TULP4: variants seen among roughly 807,000 people sequenced by gnomAD.
TULP4 encodes tubby-related protein 4.
In TULP4, 16 loss-of-function variants were observed where a neutral mutation model predicts 129.0. The ratio of observed to expected loss-of-function variants is 0.12; its 90% CI spans 0.08 to 0.19. The LOEUF (loss-of-function observed/expected upper bound fraction) is 0.19, where lower values mean the gene tolerates loss of function less well. Ranked by LOEUF, TULP4 falls within the 10% of genes least tolerant of loss-of-function variation. The pLI is 1.00. For missense variants in TULP4, 1,842 were observed against 2,059.1 expected, an observed-to-expected ratio of 0.89 and a Z score of 2.04; for synonymous variants, 998 against 854.0, an observed-to-expected ratio of 1.17 and a Z score of -2.94.
chr6:158,435,668 C>T (rs766076798), intron 3 of TULP4, among the ~76,000 whole-genome samples: 2 of 152,144 alleles, frequency 1.3e-5, no homozygotes, highest in Non-Finnish European at 2.9e-5. Flanking sequence ...ACACCTATCC[C>T]GCGCTCATCG....
At chr6:158,347,779 C>T (rs1583777349) in intron 1 of TULP4, among the ~76,000 whole-genome samples, 1 of 152,340 alleles carries the variant, frequency 6.6e-6, no homozygotes, top group East Asian at 1.9e-4. Flanking sequence ...CTCCGGCCTT[C>T]CCTGACTGCA....
chr6:158,321,865 T>C (rs1240172709), intron 1 of TULP4, among the ~76,000 whole-genome samples: 1 of 152,240 alleles, frequency 6.6e-6, no homozygotes, highest in Non-Finnish European at 1.5e-5. Context: ...AAAGTACTTT[T>C]CTTTTTCCTA....
At chr6:158,241,690 G>T (rs754591167) in intron 1 of TULP4, among the ~76,000 whole-genome samples, 1 of 152,182 alleles carries the variant, frequency 6.6e-6, no homozygotes, top group Non-Finnish European at 1.5e-5. Flanking sequence ...TGCGTCTCTG[G>T]TTCAAGCGAT....
At chr6:158,248,462 G>T (rs927095877) in intron 1 of TULP4, among the ~76,000 whole-genome samples, 2 of 152,152 alleles carry the variant, frequency 1.3e-5, no homozygotes, top group Admixed American at 1.3e-4. Context: ...GTAGAGACGG[G>T]GTTTCATTGT....
chr6:158,449,878 C>T (rs866245841), intron 4 of TULP4, among the ~76,000 whole-genome samples: 1 of 152,046 alleles, frequency 6.6e-6, no homozygotes, highest in African/African-American at 2.4e-5. Context: ...GCACCCATCT[C>T]TTTTAAAAAA....
intron 6 of TULP4, among the ~76,000 whole-genome samples, chr6:158,473,378 A>G (rs148145617): frequency 1.2e-3 from 187 of 152,344 alleles, no homozygotes; most frequent in African/African-American, 4.0e-3. Context: ...TTTTAAAACT[A>G]AAATTTGGTT....
At chr6:158,475,056 A>T (rs755638340) in intron 6 of TULP4, among the ~76,000 whole-genome samples, 1 of 152,230 alleles carries the variant, frequency 6.6e-6, no homozygotes. Context: ...CTCAGTAGAT[A>T]AAAAAATGAT....
At chr6:158,439,038 G>T (rs1335236223) in intron 3 of TULP4, among the ~76,000 whole-genome samples, 1 of 151,982 alleles carries the variant, frequency 6.6e-6, no homozygotes, top group Non-Finnish European at 1.5e-5. Flanking sequence ...GGGTGTGGTG[G>T]CATGTGCCTG....
intron 6 of TULP4, among the ~76,000 whole-genome samples, chr6:158,467,599 T>C (rs1226018060): frequency 6.6e-6 from 1 of 152,182 alleles, no homozygotes; most frequent in South Asian, 2.1e-4. Flanking sequence ...CCTTTTAAAC[T>C]GTTCTTCACT....
chr6:158,448,849 A>G (rs1254067586), intron 3 of TULP4, 147 bp from the exon 4 acceptor site: 2 of 750,238 alleles, frequency 2.7e-6, no homozygotes, highest in Admixed American at 3.0e-5. Flanking sequence ...TCTACTTAAC[A>G]TTTTGTGTCA....
intron 5 of TULP4, among the ~76,000 whole-genome samples, chr6:158,458,741 A>G (rs1779351270): frequency 6.6e-6 from 1 of 152,184 alleles, no homozygotes; most frequent in African/African-American, 2.4e-5. Flanking sequence ...TAGAAATTGA[A>G]TGAGTATTTT....
chr6:158,391,796 T>C (rs1186928875), intron 1 of TULP4, among the ~76,000 whole-genome samples: 1 of 151,766 alleles, frequency 6.6e-6, no homozygotes, highest in Non-Finnish European at 1.5e-5. Context: ...GTTGTTATTG[T>C]CATTCATTTT....
chr6:158,414,601 CTTTTCTTGGTTT>C (rs1778166559), intron 2 of TULP4, among the ~76,000 whole-genome samples: 3 of 152,160 alleles, frequency 2.0e-5, no homozygotes, highest in Admixed American at 6.5e-5. Flanking sequence ...GAGGTAGCAG[CTTTTCTTGGTTT>C]CTGTGAAATG....
chr6:158,432,275 T>G (rs765334869), intron 3 of TULP4, among the ~76,000 whole-genome samples: 32 of 152,034 alleles, frequency 2.1e-4, no homozygotes, highest in Middle Eastern at 3.4e-3. Flanking sequence ...ATCTCTTGCT[T>G]GGTTTGATTT....
At chr6:158,328,387 A>C (rs1205284089) in intron 1 of TULP4, among the ~76,000 whole-genome samples, 1 of 152,088 alleles carries the variant, frequency 6.6e-6, no homozygotes, top group Non-Finnish European at 1.5e-5. Context: ...CAGAGCTGAA[A>C]TTGAACTCAG....
At chr6:158,237,278 T>C (rs1777728985) in intron 1 of TULP4, 1 of 1,240,160 alleles carries the variant, frequency 8.1e-7, no homozygotes, top group Non-Finnish European at 1.2e-6. Context: ...TTACCTTTAT[T>C]ATATTCCTAA....
At chr6:158,472,039 C>A (rs1230511995) in intron 6 of TULP4, among the ~76,000 whole-genome samples, 1 of 152,230 alleles carries the variant, frequency 6.6e-6, no homozygotes, top group Non-Finnish European at 1.5e-5. Context: ...GAATGTCCTT[C>A]CCGCCGTTTT....
intron 1 of TULP4, among the ~76,000 whole-genome samples, chr6:158,263,907 A>G (rs1778396710): frequency 6.6e-6 from 1 of 152,086 alleles, no homozygotes; most frequent in Non-Finnish European, 1.5e-5. Flanking sequence ...TACTAAAAAT[A>G]CAAAAATTAC....
intron 13 of TULP4, among the ~76,000 whole-genome samples, chr6:158,505,467 G>A (rs1780578936): frequency 6.6e-6 from 1 of 151,798 alleles, no homozygotes; most frequent in Non-Finnish European, 1.5e-5. Flanking sequence ...GCAGAGTTGA[G>A]GAGTTGTGGT....
Sources: gnomAD v4.1 joint callset for allele counts (sites outside exome capture counted in the v4.1 genomes callset) on GRCh38, gnomAD v4.1.1 for gene constraint, MANE v1.5 for transcripts, NCBI Gene and HGNC (gene_info 2026-07-23, HGNC 2026-07-21) for gene names.